Variants in KIF1A observed in about 807,000 individuals in gnomAD.
KIF1A encodes kinesin-like protein KIF1A.
KIF1A carries 46 observed loss-of-function variants against 227.3 expected under a neutral mutation model. The observed-to-expected ratio is 0.20, with a 90% confidence interval of 0.16 to 0.26. The LOEUF (loss-of-function observed/expected upper bound fraction) is 0.26. Among genes scored for constraint, KIF1A ranks in the 10% least tolerant of loss-of-function variants. The pLI, the probability that KIF1A is intolerant of heterozygous loss-of-function variation, is 1.00. For synonymous variants in KIF1A, 1,022 were observed against 1,012.8 expected (o/e 1.01, Z -0.17); for missense variants, 1,683 against 2,485.9 (o/e 0.68, Z 6.87).
chr2:240,760,644 C>A, intron 25 of KIF1A, 21 bp downstream of exon 25: 3 of 1,444,990 alleles, frequency 2.1e-6, no homozygotes, highest in Non-Finnish European at 2.7e-6. Flanking sequence ...CACCATCCAC[C>A]CAGCGGCCCT....
intron 24 of KIF1A, 127 bp downstream of exon 24, chr2:240,761,102 C>A: frequency 8.4e-7 from 1 of 1,190,312 alleles, no homozygotes; most frequent in Non-Finnish European, 1.2e-6. Flanking sequence ...CCAGGTCAGG[C>A]AGGGCTGCTA....
chr2:240,763,210 C>A lies in KIF1A; in HGVS notation c.1905G>T (p.Leu635=), dbSNP rs774180927. Residue 635 remains leucine (L), a synonymous_variant, in exon 21 of 49, where the codon CTG becomes CTT. Transcript: ENST00000498729. ...TCATGTCGATGCCCTGCTTCTCCAG[C>A]AGCTCACGCTGGGCGAAGGCCCAGT... ...PVDWAFAQRE[L]LEKQGIDMKQ... 4 of 1,612,878 alleles carry A rather than the reference C, an allele frequency of 2.5e-6. No individual in the cohort carries two copies. In the Admixed American group the frequency reaches 6.7e-5, roughly 27 times the overall value.
At chr2:240,782,670 C>T (rs2054225953) in intron 9 of KIF1A, 63 bp from the exon 10 acceptor site, 4 of 1,530,254 alleles carry the variant, frequency 2.6e-6, no homozygotes, top group African/African-American at 1.4e-5. Context: ...GCTGTGGGGG[C>T]GGAAGAGCAG....
At chr2:240,738,177 C>T (rs2047569061) in intron 37 of KIF1A, among the ~76,000 whole-genome samples, 1 of 152,236 alleles carries the variant, frequency 6.6e-6, no homozygotes, top group Admixed American at 6.5e-5. Flanking sequence ...GCCCTCGGGG[C>T]CTGCACTTAA....
chr2:240,757,984 T>C lies in KIF1A; in HGVS notation c.2582+376A>G, dbSNP rs2050073193. 6.6e-6 allele frequency among the ~76,000 whole-genome samples: 1 copy of C among 152,036 alleles called. No individual in the cohort carries two copies. The highest frequency in any genetic ancestry group is 6.6e-5 in the Admixed American group (1 of 15,260). On this transcript the variant is annotated intron_variant, in intron 26 of 48. Coordinates refer to ENST00000498729, the MANE Select transcript of KIF1A (RefSeq NM_001244008.2). This position sits in a 1 kb window ranked among gnomAD's most constrained non-coding sequence, Gnocchi z 6.2. ...GGAGACCGGGGAAGGAGGCAGCCAT[T>C]TGTAAGGCTCAGGTGACACAGCCCT...
intron 2 of KIF1A, among the ~76,000 whole-genome samples, chr2:240,795,374 T>C (rs919578597): frequency 6.6e-6 from 1 of 152,220 alleles, no homozygotes; most frequent in East Asian, 1.9e-4. Context: ...CCCACAGATA[T>C]GGCTCCGGCC....
chr2:240,735,761 C>T (rs537892963), intron 38 of KIF1A, among the ~76,000 whole-genome samples: 6 of 152,298 alleles, frequency 3.9e-5, no homozygotes, highest in East Asian at 1.9e-4. Flanking sequence ...AAGCAAGGCA[C>T]GGGGAAGCCC....
rs1395138597 is a variant in KIF1A, at chr2:240,788,607, G to A, written c.184-377C>T. ...AAAGGCCCAGAGACCCCACAGGCTG[G>A]GCTACAGCGCCTGGACACTGTCCTG... On this transcript the variant is annotated intron_variant, in intron 3 of 48. Transcript: ENST00000498729. The surrounding 1 kb of genome is among the most constrained non-coding windows in gnomAD (Gnocchi z 6.6). Among the ~76,000 whole-genome samples, 1 of 152,136 alleles carries A rather than the reference G, an allele frequency of 6.6e-6. No individual in the cohort carries two copies. The highest frequency in any genetic ancestry group is 6.5e-5 in the Admixed American group (1 of 15,272).
At position 240,790,840 on chromosome 2, in the gene KIF1A, G is replaced by A. The variant is rs553917744; in HGVS notation, c.107-1528C>T. ...TGGACAGGTGCCCCTCATGGCTCAG[G>A]AGCAGCCACCTCTGCCACCACCTTG... On this transcript the variant is annotated intron_variant, in intron 2 of 48. Coordinates refer to ENST00000498729, the MANE Select transcript of KIF1A (RefSeq NM_001244008.2). The surrounding 1 kb of genome is among the most constrained non-coding windows in gnomAD (Gnocchi z 5.0). Among the ~76,000 whole-genome samples, 1 of 152,270 alleles carries A rather than the reference G, an allele frequency of 6.6e-6. No homozygotes were observed. Among genetic ancestry groups the A allele is most frequent in the East Asian group, 1.9e-4 (1 of 5,166 alleles).
intron 47 of KIF1A, among the ~76,000 whole-genome samples, 160 bp downstream of exon 47, chr2:240,718,846 C>T (rs1168212165): frequency 6.6e-6 from 1 of 152,222 alleles, no homozygotes; most frequent in Non-Finnish European, 1.5e-5. Context: ...ACAGAGGATC[C>T]CTGAGGCTGA....
At chr2:240,746,002 TC>T in intron 30 of KIF1A, 36 bp downstream of exon 30, 5 of 1,603,624 alleles carry the variant, frequency 3.1e-6, no homozygotes, top group Non-Finnish European at 4.3e-6. Context: ...GGTCTCAGCA[TC>T]CCCTACGCCC....
At chr2:240,723,688 T>G (rs1184732342) in intron 41 of KIF1A, 130 bp from the exon 42 acceptor site, 2 of 1,139,424 alleles carry the variant, frequency 1.8e-6, no homozygotes, top group South Asian at 1.6e-5. Flanking sequence ...TGGTCCTTGG[T>G]CCACCCTGGG....
chr2:240,802,114 G>C (rs1340472126), intron 1 of KIF1A, among the ~76,000 whole-genome samples: 1 of 136,676 alleles, frequency 7.3e-6, no homozygotes, highest in African/African-American at 2.7e-5. Flanking sequence ...AAAAAAAAAA[G>C]CATGTAACCT....
Position 240,725,552 on chromosome 2 carries a change from G to A in KIF1A, c.4123-148C>T. On this transcript the variant is annotated intron_variant, in intron 39 of 48. Coordinates refer to ENST00000498729, the MANE Select transcript of KIF1A (RefSeq NM_001244008.2). The surrounding 1 kb of genome is among the most constrained non-coding windows in gnomAD (Gnocchi z 5.8). ...CTCAGGTGTGGCCTGGACGCAGGCA[G>A]GAGAAAGTCTCTGCTCCTGCCCTCG... The A allele has an allele frequency of 1.3e-6, 1 of 798,964 alleles. No homozygotes were observed. Among genetic ancestry groups the A allele is most frequent in the Non-Finnish European group, 1.9e-6 (1 of 517,704 alleles). The allele number at this position is 798,964 out of a possible 1,614,324, so 49.5% of individuals were successfully genotyped here. A position where few individuals can be genotyped will look rare whatever the true frequency, so the allele number is the denominator to read the frequency against.
rs1364653263 is a variant in KIF1A at position 240,716,952 on chromosome 2, T to G, written c.*412A>C. 6.0e-6 allele frequency: 1 copy of G among 165,822 alleles called. No individual in the cohort carries two copies. The highest frequency in any genetic ancestry group is 6.2e-5 in the Admixed American group (1 of 16,210). 10.3% of individuals were successfully genotyped at this position (165,822 alleles called of 1,614,324 possible). On this transcript the variant is annotated 3_prime_UTR_variant, in exon 49 of 49. Coordinates refer to ENST00000498729, the MANE Select transcript of KIF1A (RefSeq NM_001244008.2). ...TCCATCTGAATATTACAGGGCTATG[T>G]GGAGGCATTAGAAATAAATACTTAT...
chr2:240,810,926 G>T (rs1382990764), intron 1 of KIF1A, among the ~76,000 whole-genome samples: 1 of 152,238 alleles, frequency 6.6e-6, no homozygotes, highest in African/African-American at 2.4e-5. Context: ...CCGGGTGGTG[G>T]TGAGCCCTCT....
intron 32 of KIF1A, among the ~76,000 whole-genome samples, 182 bp from the exon 33 acceptor site, chr2:240,744,242 G>A (rs922838854): frequency 6.6e-6 from 1 of 152,108 alleles, no homozygotes; most frequent in African/African-American, 2.4e-5. Context: ...CTCCCACCAC[G>A]TGCCCCAGAC....
intron 27 of KIF1A, among the ~76,000 whole-genome samples, chr2:240,751,727 G>A (rs1335043406): frequency 1.3e-5 from 2 of 152,128 alleles, no homozygotes; most frequent in East Asian, 1.9e-4. Flanking sequence ...CCTTGCAGGG[G>A]TGTCCATGCC....
upstream of KIF1A, chr2:240,820,454 A>T (rs1046701769): frequency 6.8e-6 from 1 of 147,682 alleles, no homozygotes; most frequent in Admixed American, 6.7e-5. The surrounding 1 kb of genome is among the most constrained non-coding windows in gnomAD (Gnocchi z 6.2). Context: ...AGGGTGGGGG[A>T]CCGACACCCG....
Sources: allele counts gnomAD v4.1 joint callset (sites outside exome capture counted in the v4.1 genomes callset), GRCh38; gene constraint gnomAD v4.1.1; non-coding constraint Gnocchi (gnomAD v3.1); transcripts MANE v1.5; gene names NCBI Gene and HGNC (gene_info 2026-07-23, HGNC 2026-07-21).